The following ENTREP2 variants were observed in gnomAD, a reference collection of about 807,000 sequenced individuals.
ENTREP2 encodes endosomal transmembrane epsin interactor 2, also known as protein ENTREP2.
At chr15:29,218,821 T>C in the ENTREP2 span, among the ~76,000 whole-genome samples, 9 of 152,322 alleles carry the variant, frequency 5.9e-5, no homozygotes, top group African/African-American at 2.2e-4. Flanking sequence ...CAACTCAAGA[T>C]GGATTAAAGA....
At chr15:29,423,732 A>AGGCT in the ENTREP2 span, among the ~76,000 whole-genome samples, 11 of 152,110 alleles carry the variant, frequency 7.2e-5, no homozygotes, top group African/African-American at 2.7e-4. Context: ...TGGGAGGCGG[A>AGGCT]GGCTGCAGTA....
chr15:29,590,796 C>T, the ENTREP2 span, among the ~76,000 whole-genome samples: 1 of 149,618 alleles, frequency 6.7e-6, no homozygotes, highest in Admixed American at 6.6e-5. Context: ...AAAGACACAA[C>T]ACAAAAGGTT....
the ENTREP2 span, among the ~76,000 whole-genome samples, chr15:29,557,953 T>C: frequency 2.0e-5 from 3 of 152,228 alleles, no homozygotes; most frequent in Non-Finnish European, 4.4e-5. Context: ...CAATTTTCTC[T>C]AGCTCTCCTA....
At chr15:29,401,700 C>G in the ENTREP2 span, among the ~76,000 whole-genome samples, 1 of 152,168 alleles carries the variant, frequency 6.6e-6, no homozygotes, top group African/African-American at 2.4e-5. Context: ...AGCCTATTTA[C>G]ACAAGGACGT....
chr15:29,611,751 A>T, the ENTREP2 span, among the ~76,000 whole-genome samples: 3 of 152,030 alleles, frequency 2.0e-5, no homozygotes, highest in Non-Finnish European at 4.4e-5. Context: ...GACTCTTCAT[A>T]AGAGTTTGTT....
the ENTREP2 span, among the ~76,000 whole-genome samples, chr15:29,138,038 G>A: frequency 3.9e-4 from 59 of 152,140 alleles, no homozygotes; most frequent in African/African-American, 1.4e-3. Context: ...CTGTGCTGAA[G>A]TACTTATTTA....
chr15:29,336,464 C>A, the ENTREP2 span, among the ~76,000 whole-genome samples: 5 of 152,060 alleles, frequency 3.3e-5, no homozygotes, highest in African/African-American at 1.2e-4. Context: ...GCACACACCA[C>A]CACATTCAGC....
At chr15:29,266,633 T>A in the ENTREP2 span, 1 of 152,206 alleles carries the variant, frequency 6.6e-6, no homozygotes, top group East Asian at 1.9e-4. Context: ...GTACAGCAAG[T>A]TGCATAAGGA....
chr15:29,323,813 C>T, the ENTREP2 span, among the ~76,000 whole-genome samples: 11 of 152,194 alleles, frequency 7.2e-5, no homozygotes, highest in East Asian at 5.8e-4. Flanking sequence ...TGTTGATTAT[C>T]GTTGTGCTGT....
chr15:29,376,857 C>T, the ENTREP2 span: 1 of 152,258 alleles, frequency 6.6e-6, no homozygotes, highest in Non-Finnish European at 1.5e-5. Context: ...AATGGCAGCA[C>T]CAAAACGCTC....
the ENTREP2 span, among the ~76,000 whole-genome samples, chr15:29,436,401 C>A: frequency 1.6e-4 from 24 of 152,134 alleles, no homozygotes; most frequent in Non-Finnish European, 3.1e-4. Context: ...TGGGGTCAAT[C>A]GTTTTTAAAC....
At chr15:29,138,228 G>A in the ENTREP2 span, among the ~76,000 whole-genome samples, 1 of 152,086 alleles carries the variant, frequency 6.6e-6, no homozygotes, top group Non-Finnish European at 1.5e-5. Context: ...CTTGAACACC[G>A]AGATGCTGCT....
chr15:29,608,522 T>TTTATTAATATTATTA, the ENTREP2 span, among the ~76,000 whole-genome samples: 1 of 140,536 alleles, frequency 7.1e-6, no homozygotes, highest in Non-Finnish European at 1.5e-5. Context: ...TCCTGCCTTC[T>TTTATTAATATTATTA]TTATTATTAT....
At chr15:29,225,510 C>G in the ENTREP2 span, among the ~76,000 whole-genome samples, 1 of 152,146 alleles carries the variant, frequency 6.6e-6, no homozygotes, top group Non-Finnish European at 1.5e-5. Context: ...CCGCAGCTTA[C>G]CAGGACCTAT....
At chr15:29,605,639 C>A in the ENTREP2 span, among the ~76,000 whole-genome samples, 1 of 152,082 alleles carries the variant, frequency 6.6e-6, no homozygotes, top group Non-Finnish European at 1.5e-5. Context: ...GAGTTCAAGA[C>A]CAGCCTGGCC....
At chr15:29,635,643 C>T in the ENTREP2 span, among the ~76,000 whole-genome samples, 3 of 152,154 alleles carry the variant, frequency 2.0e-5, no homozygotes, top group Admixed American at 6.5e-5. Flanking sequence ...AAACAGACCC[C>T]GTGTAGGCCT....
At chr15:29,454,981 G>A in the ENTREP2 span, among the ~76,000 whole-genome samples, 1 of 152,220 alleles carries the variant, frequency 6.6e-6, no homozygotes, top group African/African-American at 2.4e-5. Flanking sequence ...CACGTTGACA[G>A]TCCTCCCATG....
At chr15:29,233,539 C>T in the ENTREP2 span, 2 of 553,750 alleles carry the variant, frequency 3.6e-6, no homozygotes, top group East Asian at 5.7e-5. Context: ...GCCAAACAGA[C>T]CTTTTGTATA....
At chr15:29,598,372 A>C in the ENTREP2 span, among the ~76,000 whole-genome samples, 1 of 152,236 alleles carries the variant, frequency 6.6e-6, no homozygotes, top group Non-Finnish European at 1.5e-5. Flanking sequence ...AGTATTCTAA[A>C]ATCATCATTT....
Sources: allele counts gnomAD v4.1 joint callset (sites outside exome capture counted in the v4.1 genomes callset), GRCh38; gene constraint gnomAD v4.1.1; transcripts MANE v1.5; gene names NCBI Gene and HGNC (gene_info 2026-07-23, HGNC 2026-07-21).